SLC47A2: variants seen among roughly 807,000 people sequenced by gnomAD.
SLC47A2 encodes the protein multidrug and toxin extrusion protein 2.
Under a neutral mutation model 67.7 loss-of-function variants are expected in SLC47A2, and 52 were observed. The observed-to-expected ratio is 0.77, with a 90% CI of 0.61 to 0.97. The LOEUF (loss-of-function observed/expected upper bound fraction) is 0.97. SLC47A2 is among the 50% of genes least tolerant of loss of function. The probability of loss-of-function intolerance (pLI) is 0.00; values close to 1 mark genes in which losing one functional copy is unlikely to be tolerated. For missense variants in SLC47A2, 676 were observed against 712.3 expected, an observed-to-expected ratio of 0.95 and a Z score of 0.58; for synonymous variants, 278 against 292.9, an observed-to-expected ratio of 0.95 and a Z score of 0.52.
chr17:19,699,505 C>G (rs1037319478), intron 13 of SLC47A2, among the ~76,000 whole-genome samples: 1 of 152,050 alleles, frequency 6.6e-6, no homozygotes, highest in African/African-American at 2.4e-5. Flanking sequence ...CTCAGCCTCC[C>G]AAGTAGCGAA....
intron 1 of SLC47A2, among the ~76,000 whole-genome samples, chr17:19,715,562 T>A (rs2086231785): frequency 6.6e-6 from 1 of 152,220 alleles, no homozygotes. Context: ...AGGAGGGGAA[T>A]TAAATACACC....
chr17:19,682,068 A>G (rs2085326344), intron 13 of SLC47A2, among the ~76,000 whole-genome samples: 1 of 152,148 alleles, frequency 6.6e-6, no homozygotes, highest in Non-Finnish European at 1.5e-5. Context: ...TTGTGGCTTA[A>G]AATAACATAA....
At chr17:19,697,948 A>G (rs1374189001) in intron 13 of SLC47A2, among the ~76,000 whole-genome samples, 1 of 152,158 alleles carries the variant, frequency 6.6e-6, no homozygotes, top group Non-Finnish European at 1.5e-5. Flanking sequence ...ACTGAAGGCT[A>G]CATATGAATG....
chr17:19,695,049 A>G (rs1228360991), intron 13 of SLC47A2, among the ~76,000 whole-genome samples: 1 of 152,170 alleles, frequency 6.6e-6, no homozygotes, highest in Non-Finnish European at 1.5e-5. Context: ...TAGCAAAAGC[A>G]TGAGCCATAA....
At chr17:19,707,000 C>T (rs2085957472) in intron 8 of SLC47A2, among the ~76,000 whole-genome samples, 1 of 152,132 alleles carries the variant, frequency 6.6e-6, no homozygotes, top group Non-Finnish European at 1.5e-5. Context: ...ACGGTGTGGC[C>T]CCAGGGCTCA....
At position 19,703,246 on chromosome 17, in the gene SLC47A2, C is replaced by G. The variant is rs369818505; in HGVS notation, c.1019-79G>C. ...TGCTCAGATCAGCAAAGGGCTGGCC[C>G]CTATGTCAGTGCAAGTCAGCCCAGC... On this transcript the variant is annotated intron_variant, in intron 11 of 16. Coordinates refer to ENST00000433844, the MANE Select transcript of SLC47A2 (RefSeq NM_001099646.3). 11 of 1,371,922 alleles carry G rather than the reference C, an allele frequency of 8.0e-6. No individual in the cohort carries two copies. The African/African-American group carries it at 1.6e-4, about 20-fold the overall frequency. The allele number at this position is 1,371,922 out of a possible 1,614,324, so 85.0% of individuals were successfully genotyped here. A position where few individuals can be genotyped will look rare whatever the true frequency, so the allele number is the denominator to read the frequency against.
rs75854637 is a variant in SLC47A2, at chr17:19,716,414, C to A, written c.123+19G>T. On this transcript the variant is annotated intron_variant, in intron 1 of 16. Transcript: ENST00000433844. ...AGCTTCCTCCACTCCCTACCTGCCC[C>A]CCAGCTCCTCCTCCTTACCAGGGGT... The A allele has an allele frequency of 2.7e-5, 44 of 1,602,454 alleles. No individual in the cohort carries two copies. The East Asian group carries it at 8.8e-4, about 32-fold the overall frequency.
rs754860334 is a variant in SLC47A2, at chr17:19,678,767, G to T, written c.1620C>A (p.Ile540=). The part of the protein sequence containing the change: ...TSRLSVKQLV[I]RRGAALGAAS... ...CCGCCCCCAGAGCAGCCCCACGGCG[G>T]ATGACCAGCTGTTTCACTGATAGTC... Residue 540 remains isoleucine, a synonymous_variant, in exon 17 of 17, where the codon ATC becomes ATA. Transcript: ENST00000433844. The T allele has an allele frequency of 4.3e-5, 69 of 1,614,082 alleles. No homozygotes were observed. The highest frequency in any genetic ancestry group is 5.8e-5 in the Non-Finnish European group (68 of 1,180,054).
chr17:19,702,984 C>T (rs1882669340), intron 12 of SLC47A2, 108 bp downstream of exon 12: 1 of 1,256,832 alleles, frequency 8.0e-7, no homozygotes. Context: ...TGGGCTCTTC[C>T]TGCTTCCTTT....
chr17:19,712,777 C>T (rs770085909), intron 4 of SLC47A2, 32 bp from the exon 5 acceptor site: 7 of 1,608,170 alleles, frequency 4.4e-6, no homozygotes, highest in Non-Finnish European at 2.5e-6. Context: ...CGGAGCTGAC[C>T]AGGCTGTGGC....
rs933167306 is a variant in SLC47A2 at position 19,685,705 on chromosome 17, T to A, written c.1165-4035A>T. Among the ~76,000 whole-genome samples, 1 of 152,128 alleles carries A rather than the reference T, an allele frequency of 6.6e-6. No individual in the cohort carries two copies. The highest frequency in any genetic ancestry group is 2.4e-5 in the African/African-American group (1 of 41,430). Reference sequence around the variant, plus strand: ...CTCTGCCTAGGAAAACCAGAGACCTTTGTTCTGGTGTTTATCTGCTGGCCT... The same window carrying A: ...CTCTGCCTAGGAAAACCAGAGACCTATGTTCTGGTGTTTATCTGCTGGCCT... On this transcript the variant is annotated intron_variant, in intron 13 of 16. Transcript: ENST00000433844. This position sits in a 1 kb window ranked among gnomAD's most constrained non-coding sequence, Gnocchi z 4.5.
At position 19,678,751 on chromosome 17, in the gene SLC47A2, G is replaced by A. The variant is rs776191058; in HGVS notation, c.1636C>T (p.Leu546=). 5 of 1,613,926 alleles carry A rather than the reference G, an allele frequency of 3.1e-6. No individual in the cohort carries two copies. The highest frequency in any genetic ancestry group is 3.3e-5 in the Admixed American group (2 of 60,008). The change falls in exon 17 of 17, where the codon CTG becomes TTG. Residue 546 remains leucine (L), a synonymous_variant. Transcript: ENST00000433844. ...KQLVIRRGAA[L]GAASATLMVG... ...ATCAGTGTGGCTGACGCCGCCCCCA[G>A]AGCAGCCCCACGGCGGATGACCAGC...
chr17:19,679,041 A>G, intron 16 of SLC47A2, 135 bp from the exon 17 acceptor site: 1 of 670,312 alleles, frequency 1.5e-6, no homozygotes, highest in Non-Finnish European at 2.6e-6. Flanking sequence ...TATACAGTAG[A>G]AAAATAACTG....
In SLC47A2 at chr17:19,702,455, T is replaced by A. The variant is rs2085810025; in HGVS notation, c.1164+150A>T. 4 of 1,444,096 alleles carry A rather than the reference T, an allele frequency of 2.8e-6. 1 individual carries two copies. Among genetic ancestry groups the A allele is most frequent in the Non-Finnish European group, 3.6e-6 (4 of 1,096,352 alleles). The allele number at this position is 1,444,096 out of a possible 1,614,324, so 89.5% of individuals were successfully genotyped here. ...CTGTTTGAAATAAGAATGGAACTAT[T>A]ATCAGCAAATACTTTGGGCACTTAC... On this transcript the variant is annotated intron_variant, in intron 13 of 16. Transcript: ENST00000433844.
chr17:19,699,552 C>T (rs1002985859), intron 13 of SLC47A2, among the ~76,000 whole-genome samples: 8 of 150,964 alleles, frequency 5.3e-5, no homozygotes, highest in Non-Finnish European at 1.5e-5. Context: ...TCCCCGCCGA[C>T]CCCCTCCCCC....
intron 3 of SLC47A2, chr17:19,714,308 A>C: frequency 2.6e-6 from 1 of 379,984 alleles, no homozygotes; most frequent in Non-Finnish European, 4.8e-6. Flanking sequence ...CCGCTTTGTG[A>C]CCCCATGGCC....
At position 19,678,845 on chromosome 17, in the gene SLC47A2, C is replaced by T; in HGVS notation, c.1542G>A (p.Val514=). ...LTTYSRSECH[V]DFFRTPEEAH... ...CCTCCTCTGGAGTCCTGAAGAAGTC[C>T]ACGTGGCACTCAGACCTTGAATACG... Residue 514 remains valine, a synonymous_variant, in exon 17 of 17, where the codon GTG becomes GTA. Transcript: ENST00000433844. The T allele has an allele frequency of 2.5e-6, 4 of 1,611,844 alleles. No homozygotes were observed. The highest frequency in any genetic ancestry group is 3.4e-6 in the Non-Finnish European group (4 of 1,178,850).
intron 13 of SLC47A2, among the ~76,000 whole-genome samples, chr17:19,694,516 A>G (rs2152344785): frequency 6.6e-6 from 1 of 152,340 alleles, no homozygotes; most frequent in African/African-American, 2.4e-5. Context: ...TTAGTACTGG[A>G]GAAATGAGTC....
At chr17:19,705,368 C>T (rs1182550818) in intron 10 of SLC47A2, 68 bp downstream of exon 10, 3 of 1,506,778 alleles carry the variant, frequency 2.0e-6, no homozygotes, top group Non-Finnish European at 2.7e-6. Context: ...GACAGCCTGC[C>T]CCCCTCCTAT....
Sources: gnomAD v4.1 joint callset for allele counts (sites outside exome capture counted in the v4.1 genomes callset) on GRCh38, gnomAD v4.1.1 for gene constraint, Gnocchi (gnomAD v3.1) non-coding constraint, MANE v1.5 for transcripts, NCBI Gene and HGNC (gene_info 2026-07-23, HGNC 2026-07-21) for gene names.